The following VWA8 variants were observed in gnomAD, a reference collection of about 807,000 sequenced individuals.
VWA8 encodes von Willebrand factor A domain-containing protein 8.
VWA8 carries 221 observed loss-of-function variants against 241.5 expected under a neutral mutation model. That is an observed-to-expected ratio of 0.91 (90% CI 0.82 to 1.02). The LOEUF is 1.02. Among genes scored for constraint, VWA8 ranks in the 50% least tolerant of loss-of-function variants. The pLI is 0.00. For missense variants in VWA8, 2,322 were observed against 2,328.7 expected (o/e 1.00, Z 0.06); for synonymous variants, 852 against 827.1 (o/e 1.03, Z -0.52).
At chr13:41,629,827 A>G (rs1481335679) in intron 37 of VWA8, among the ~76,000 whole-genome samples, 1 of 152,212 alleles carries the variant, frequency 6.6e-6, no homozygotes, top group East Asian at 1.9e-4. Context: ...AAAGCCATTA[A>G]GTATGCAATT....
chr13:41,839,299 T>C (rs891155298), intron 12 of VWA8, among the ~76,000 whole-genome samples: 3 of 152,236 alleles, frequency 2.0e-5, no homozygotes, highest in African/African-American at 7.2e-5. Flanking sequence ...TGTCTTCTTT[T>C]GAAAAGTGAC....
Position 41,689,501 on chromosome 13 carries a change from C to A in VWA8, c.3984G>T (p.Glu1328Asp). 6.2e-7 allele frequency: 1 copy of A among 1,605,432 alleles called. No homozygotes were observed. Among genetic ancestry groups the A allele is most frequent in the Non-Finnish European group, 8.5e-7 (1 of 1,176,680 alleles). The change falls in exon 34 of 45, where the codon GAG becomes GAT. Residue 1328 changes from glutamate to aspartate, a missense_variant. Coordinates refer to ENST00000379310, the MANE Select transcript of VWA8 (RefSeq NM_015058.2). Reference sequence around the variant, plus strand: ...TGGAAATTTTATGAGGTATGCTGAACTCTGTTTCTGAAAAGTACAAACATT... The same window carrying A: ...TGGAAATTTTATGAGGTATGCTGAAATCTGTTTCTGAAAAGTACAAACATT... ...STGFGVTQETEFSIPHKISSD... is the reference protein window; with the variant it reads ...STGFGVTQETDFSIPHKISSD...
intron 12 of VWA8, among the ~76,000 whole-genome samples, chr13:41,833,799 G>T (rs770660355): frequency 1.3e-5 from 2 of 151,618 alleles, no homozygotes; most frequent in African/African-American, 4.9e-5. Context: ...ATTTTCTTCC[G>T]CTTTTAAAAT....
chr13:41,681,089 G>T (rs938169095), intron 35 of VWA8, among the ~76,000 whole-genome samples: 3 of 152,088 alleles, frequency 2.0e-5, no homozygotes, highest in Non-Finnish European at 2.9e-5. Flanking sequence ...TATCTGATTG[G>T]GTTCCCCATT....
intron 21 of VWA8, among the ~76,000 whole-genome samples, chr13:41,740,991 G>A (rs919968682): frequency 3.9e-5 from 6 of 152,158 alleles, no homozygotes; most frequent in African/African-American, 9.7e-5. Flanking sequence ...CCTTCTCAGC[G>A]AGGCTCTGCC....
At chr13:41,795,124 A>G (rs1446816994) in intron 17 of VWA8, among the ~76,000 whole-genome samples, 3 of 152,328 alleles carry the variant, frequency 2.0e-5, no homozygotes, top group African/African-American at 4.8e-5. Context: ...CCACCCCATT[A>G]AAAAGTGAGC....
intron 8 of VWA8, among the ~76,000 whole-genome samples, chr13:41,885,432 G>C (rs1244051188): frequency 1.3e-5 from 2 of 152,172 alleles, no homozygotes; most frequent in African/African-American, 4.8e-5. Context: ...TCTTCCAACA[G>C]CAATTGCTGT....
At chr13:41,785,468 C>T (rs116519719) in intron 18 of VWA8, among the ~76,000 whole-genome samples, 57 of 151,196 alleles carry the variant, frequency 3.8e-4, no homozygotes, top group African/African-American at 1.3e-3. Context: ...TTTTTTTCTA[C>T]TTCAAGTAAG....
At chr13:41,848,427 G>A (rs543384121) in intron 12 of VWA8, among the ~76,000 whole-genome samples, 6 of 152,274 alleles carry the variant, frequency 3.9e-5, no homozygotes, top group South Asian at 2.1e-4. Context: ...ATCTCACCTC[G>A]AATTATAATC....
intron 34 of VWA8, 129 bp downstream of exon 34, chr13:41,689,225 A>G: frequency 9.6e-7 from 1 of 1,041,998 alleles, no homozygotes; most frequent in Non-Finnish European, 1.3e-6. Context: ...CTGATTTGGA[A>G]GGAAGACTTG....
chr13:41,590,571 A>G, intron 41 of VWA8, 69 bp downstream of exon 41: 1 of 1,494,586 alleles, frequency 6.7e-7, no homozygotes. Flanking sequence ...GACACAACTC[A>G]CGAAAGCAAG....
Position 41,646,620 on chromosome 13 carries a change from T to C in VWA8, c.4611+24326A>G, listed in dbSNP as rs184536847. On this transcript the variant is annotated intron_variant, in intron 37 of 44. Coordinates refer to ENST00000379310, the MANE Select transcript of VWA8 (RefSeq NM_015058.2). ...ACTACATTACACTGGCTATAAACAA[T>C]GAATGTATTCTTGATAGTACAAAAT... Among the ~76,000 whole-genome samples, 465 of 152,324 alleles carry C rather than the reference T, an allele frequency of 3.1e-3. 2 individuals carry two copies. Among genetic ancestry groups the C allele is most frequent in the African/African-American group, 0.01 (433 of 41,582 alleles).
intron 14 of VWA8, among the ~76,000 whole-genome samples, chr13:41,823,958 T>C (rs931738578): frequency 1.9e-4 from 29 of 152,182 alleles, no homozygotes; most frequent in Admixed American, 9.8e-4. Context: ...ACTTTGTCAT[T>C]AAAAGGCATC....
Position 41,874,738 on chromosome 13 carries a change from C to CT in VWA8, c.1081-6262dup, listed in dbSNP as rs1873814575. On this transcript the variant is annotated intron_variant, in intron 9 of 44. Transcript: ENST00000379310. ...ATCAGGCCATCTACTTTCTTCATAC[C>CT]TTTTTCTAGATTGTTAAGTACTGAA... Among the ~76,000 whole-genome samples the CT allele has an allele frequency of 2.6e-5, 4 of 152,172 alleles. No individual in the cohort carries two copies. The South Asian group carries it at 8.3e-4, about 32-fold the overall frequency.
At chr13:41,863,411 G>A (rs1873104595) in intron 12 of VWA8, among the ~76,000 whole-genome samples, 1 of 71,298 alleles carries the variant, frequency 1.4e-5, no homozygotes, top group Non-Finnish European at 2.8e-5. Context: ...GTGTGTGTGT[G>A]TGTGTGTGTG....
chr13:41,952,789 AAGACAGTAC>A (rs1878193142), intron 1 of VWA8, among the ~76,000 whole-genome samples: 1 of 152,168 alleles, frequency 6.6e-6, no homozygotes, highest in Non-Finnish European at 1.5e-5. Context: ...ACATTTCTGA[AAGACAGTAC>A]ATTCAAACTG....
At chr13:41,673,555 A>G (rs1369002533) in intron 36 of VWA8, among the ~76,000 whole-genome samples, 1 of 152,258 alleles carries the variant, frequency 6.6e-6, no homozygotes, top group Non-Finnish European at 1.5e-5. Context: ...CTTTAAGTGT[A>G]AAATACATAC....
At chr13:41,946,121 T>C (rs948894786) in intron 2 of VWA8, among the ~76,000 whole-genome samples, 1 of 149,018 alleles carries the variant, frequency 6.7e-6, no homozygotes, top group African/African-American at 2.5e-5. Flanking sequence ...ATATTCAAAG[T>C]GCTGAAAAAA....
chr13:41,818,988 T>C (rs1359404782), intron 15 of VWA8, among the ~76,000 whole-genome samples: 1 of 152,100 alleles, frequency 6.6e-6, no homozygotes, highest in African/African-American at 2.4e-5. Flanking sequence ...ATCTACTAGC[T>C]CAAAAACTAT....
Sources: gnomAD v4.1 joint callset for allele counts (sites outside exome capture counted in the v4.1 genomes callset) on GRCh38, gnomAD v4.1.1 for gene constraint, MANE v1.5 for transcripts, NCBI Gene and HGNC (gene_info 2026-07-23, HGNC 2026-07-21) for gene names.